The following SLC4A1AP variants were observed in gnomAD, a reference collection of about 807,000 sequenced individuals.
The protein encoded by SLC4A1AP is solute carrier family 4 member 1 adaptor protein, also known as kanadaptin.
Under a neutral mutation model 89.7 loss-of-function variants are expected in SLC4A1AP, and 64 were observed. That is an observed-to-expected ratio of 0.71 (90% CI 0.58 to 0.88). The LOEUF (loss-of-function observed/expected upper bound fraction) is 0.88. Ranked by LOEUF, SLC4A1AP falls within the 40% of genes least tolerant of loss-of-function variation. The pLI is 0.00. For missense variants in SLC4A1AP, 931 were observed against 965.0 expected, an observed-to-expected ratio of 0.96 and a Z score of 0.47; for synonymous variants, 366 against 353.3, an observed-to-expected ratio of 1.04 and a Z score of -0.40.
chr2:27,673,443 C>A (rs565979401), intron 5 of SLC4A1AP, among the ~76,000 whole-genome samples: 1 of 95,894 alleles, frequency 1.0e-5, no homozygotes, highest in Admixed American at 1.2e-4. Context: ...TCCCTCCCTC[C>A]CTTCCTTCCT....
intron 10 of SLC4A1AP, among the ~76,000 whole-genome samples, chr2:27,687,649 G>A (rs965289933): frequency 2.6e-5 from 4 of 152,138 alleles, no homozygotes; most frequent in African/African-American, 7.2e-5. Context: ...TGTTCTGGGA[G>A]TAGAATTTCT....
exon 1 of SLC4A1AP, chr2:27,664,571 C>T (rs984756484): frequency 3.1e-6 from 5 of 1,605,016 alleles, no homozygotes; most frequent in African/African-American, 1.3e-5. Flanking sequence ...GGCTCTTTAT[C>T]CTGCAGGTAG....
At chr2:27,664,378 A>G in exon 1 of SLC4A1AP, 3 of 1,614,194 alleles carry the variant, frequency 1.9e-6, no homozygotes, top group South Asian at 2.2e-5. Flanking sequence ...GTGTCTCGGT[A>G]CCACGCAGTG....
chr2:27,675,151 C>T (rs1675495968), intron 5 of SLC4A1AP, among the ~76,000 whole-genome samples: 1 of 152,160 alleles, frequency 6.6e-6, no homozygotes, highest in Non-Finnish European at 1.5e-5. Context: ...TAAGTACATT[C>T]ACAATATTAT....
chr2:27,684,050 G>A (rs1572995182), intron 9 of SLC4A1AP, among the ~76,000 whole-genome samples: 1 of 152,146 alleles, frequency 6.6e-6, no homozygotes, highest in East Asian at 1.9e-4. Context: ...TCAATCTGTT[G>A]CGGTGGGGAC....
At chr2:27,682,850 G>T (rs1055887253) in intron 9 of SLC4A1AP, among the ~76,000 whole-genome samples, 2 of 152,058 alleles carry the variant, frequency 1.3e-5, no homozygotes, top group African/African-American at 4.8e-5. Context: ...CTCAGCTTAG[G>T]GTTATCAAGA....
intron 8 of SLC4A1AP, among the ~76,000 whole-genome samples, chr2:27,679,425 A>C (rs563091360): frequency 1.4e-4 from 21 of 152,110 alleles, no homozygotes; most frequent in African/African-American, 4.8e-4. Flanking sequence ...ACATGGTGAA[A>C]CCCTGTCTCT....
intron 5 of SLC4A1AP, among the ~76,000 whole-genome samples, chr2:27,674,565 T>G (rs988783026): frequency 6.6e-6 from 1 of 151,152 alleles, no homozygotes; most frequent in Non-Finnish European, 1.5e-5. Flanking sequence ...TATCTAATTT[T>G]TAAATTTGTA....
At chr2:27,673,041 A>G (rs1675450869) in intron 5 of SLC4A1AP, among the ~76,000 whole-genome samples, 2 of 151,986 alleles carry the variant, frequency 1.3e-5, no homozygotes, top group Admixed American at 6.6e-5. Context: ...CCAGAGATTA[A>G]CCTCTGGATT....
At chr2:27,672,711 T>A (rs1014059021) in intron 5 of SLC4A1AP, among the ~76,000 whole-genome samples, 1 of 152,172 alleles carries the variant, frequency 6.6e-6, no homozygotes, top group Non-Finnish European at 1.5e-5. Flanking sequence ...GGTTTCTGCA[T>A]GGAATATATA....
chr2:27,694,733 A>T, exon 14 of SLC4A1AP: 1 of 1,284,200 alleles, frequency 7.8e-7, no homozygotes, highest in East Asian at 2.4e-5. Flanking sequence ...GACATGGAAT[A>T]TTTGGGATAA....
At chr2:27,691,735 G>GT (rs1675791319) in intron 12 of SLC4A1AP, 1 of 151,856 alleles carries the variant, frequency 6.6e-6, no homozygotes, top group Admixed American at 6.6e-5. Flanking sequence ...GATTACAGGC[G>GT]TGTGTCACCA....
intron 8 of SLC4A1AP, among the ~76,000 whole-genome samples, chr2:27,679,549 C>T (rs1675584266): frequency 6.6e-6 from 1 of 152,080 alleles, no homozygotes; most frequent in Non-Finnish European, 1.5e-5. Context: ...TGGCAGTGAG[C>T]CGAGATTGCG....
chr2:27,665,476 AT>A (rs1275439966), intron 2 of SLC4A1AP, among the ~76,000 whole-genome samples, 181 bp downstream of exon 2: 2 of 152,240 alleles, frequency 1.3e-5, no homozygotes. Flanking sequence ...TTGTAAAGAA[AT>A]TGACTTATAG....
In SLC4A1AP at chr2:27,678,750, A is replaced by C. The variant is rs1430816673; in HGVS notation, c.1763+826A>C. Reference sequence around the variant, plus strand: ...TTTTTTTTTTTTGAGATAGGGTCTCACTGTGTCACCCAGGCTGGAGTGCAG... The same window carrying C: ...TTTTTTTTTTTTGAGATAGGGTCTCCCTGTGTCACCCAGGCTGGAGTGCAG... On this transcript the variant is annotated intron_variant, in intron 8 of 13. Coordinates refer to ENST00000613058, the Ensembl canonical transcript of SLC4A1AP. Among the ~76,000 whole-genome samples, 3 of 147,096 alleles carry C rather than the reference A, an allele frequency of 2.0e-5. No homozygotes were observed. In the East Asian group the frequency reaches 6.1e-4, roughly 30 times the overall value.
At chr2:27,666,784 A>G (rs1675334174) in intron 2 of SLC4A1AP, among the ~76,000 whole-genome samples, 1 of 151,962 alleles carries the variant, frequency 6.6e-6, no homozygotes, top group Non-Finnish European at 1.5e-5. Flanking sequence ...ATATGCTCAT[A>G]CTAGTGGTTT....
chr2:27,663,891 A>C (rs1675245402), exon 1 of SLC4A1AP: 3 of 1,614,104 alleles, frequency 1.9e-6, no homozygotes, highest in Non-Finnish European at 8.5e-7. Flanking sequence ...GAAGGAGCGG[A>C]TTTCGAAGTT....
chr2:27,667,681 T>C (rs1476897611), intron 3 of SLC4A1AP, among the ~76,000 whole-genome samples: 2 of 152,128 alleles, frequency 1.3e-5, no homozygotes, highest in South Asian at 4.1e-4. Flanking sequence ...TCCTGGACTT[T>C]GGTGGTGGGG....
exon 9 of SLC4A1AP, chr2:27,682,352 C>G: frequency 6.2e-7 from 1 of 1,602,378 alleles, no homozygotes; most frequent in Non-Finnish European, 8.5e-7. Flanking sequence ...AAAACTGGAA[C>G]AGTAGGGGTA....
Sources: allele counts gnomAD v4.1 joint callset (sites outside exome capture counted in the v4.1 genomes callset), GRCh38; gene constraint gnomAD v4.1.1; transcripts MANE v1.5; gene names NCBI Gene and HGNC (gene_info 2026-07-23, HGNC 2026-07-21).